The following CCDC13 variants were observed in gnomAD, a reference collection of about 807,000 sequenced individuals.
The protein encoded by CCDC13 is coiled-coil domain containing 13.
A neutral mutation model predicts 87.3 loss-of-function variants in CCDC13; 70 were observed. That is an observed-to-expected ratio of 0.80 (90% CI 0.66 to 0.98). The LOEUF (loss-of-function observed/expected upper bound fraction) is 0.98. Among genes scored for constraint, CCDC13 ranks in the 50% least tolerant of loss-of-function variants. CCDC13 has a pLI of 0.00. For missense variants in CCDC13, 842 were observed against 892.0 expected (o/e 0.94, Z 0.71); for synonymous variants, 317 against 360.3 (o/e 0.88, Z 1.36).
chr3:42,740,556 T>A (rs899571997), intron 8 of CCDC13, among the ~76,000 whole-genome samples: 2 of 152,164 alleles, frequency 1.3e-5, no homozygotes, highest in African/African-American at 4.8e-5. Flanking sequence ...AGGAGACAGA[T>A]AATGTCAAAT....
At chr3:42,744,521 C>G (rs1349144973) in intron 7 of CCDC13, among the ~76,000 whole-genome samples, 1 of 152,098 alleles carries the variant, frequency 6.6e-6, no homozygotes, top group Admixed American at 6.5e-5. Context: ...ATTTGACATA[C>G]AGGGCCGGGC....
chr3:42,721,014 A>G (rs181984843), intron 13 of CCDC13, among the ~76,000 whole-genome samples: 35 of 152,362 alleles, frequency 2.3e-4, no homozygotes, highest in African/African-American at 7.9e-4. Context: ...CATTTGGCTT[A>G]TCGGGTATAA....
intron 5 of CCDC13, among the ~76,000 whole-genome samples, chr3:42,748,501 C>T (rs1028197131): frequency 1.3e-5 from 2 of 152,260 alleles, no homozygotes; most frequent in African/African-American, 4.8e-5. Flanking sequence ...GCTGGTACTA[C>T]AGTGGCTTTC....
rs1314303627 is a variant in CCDC13, at chr3:42,706,761, A to G, written c.*2219T>C. On this transcript the variant is annotated 3_prime_UTR_variant, in exon 16 of 16. Transcript: ENST00000310232. ...ACATGTTCCTTGTACAGAAATAAAC[A>G]GAGAGCTAATAATTAGTGAAACGTC... The G allele has an allele frequency of 6.6e-6, 1 of 152,268 alleles. No homozygotes were observed. The highest frequency in any genetic ancestry group is 1.5e-5 in the Non-Finnish European group (1 of 68,046). The allele number at this position is 152,268 out of a possible 1,614,324, so 9.4% of individuals were successfully genotyped here.
intron 13 of CCDC13, among the ~76,000 whole-genome samples, chr3:42,727,475 C>T (rs181736764): frequency 6.7e-4 from 102 of 152,220 alleles, no homozygotes; most frequent in Non-Finnish European, 9.6e-4. Flanking sequence ...AAGGGCATCT[C>T]AGTAAGAAGG....
chr3:42,771,853 A>G (rs562748434), intron 1 of CCDC13, among the ~76,000 whole-genome samples: 2 of 152,358 alleles, frequency 1.3e-5, no homozygotes, highest in East Asian at 3.9e-4. Flanking sequence ...AATGATAACA[A>G]ATGTACCACA....
At position 42,752,043 on chromosome 3, in the gene CCDC13, GT is replaced by G; in HGVS notation, c.514-19del. 1 of 1,597,386 alleles carries G rather than the reference GT, an allele frequency of 6.3e-7. No homozygotes were observed. On this transcript the variant is annotated intron_variant, in intron 4 of 15. Transcript: ENST00000310232. ...GTCTGCAGCTGAAAAAGCAAACCTC[GT>G]GCTTAATACTCTGCTCAGCGATTGT... is the stretch of plus-strand genomic sequence containing the variant.
chr3:42,713,371 T>C (rs2125869160), intron 13 of CCDC13, 55 bp from the exon 14 acceptor site: 2 of 1,590,656 alleles, frequency 1.3e-6, no homozygotes, highest in South Asian at 2.3e-5. Flanking sequence ...GGGCAGGCCC[T>C]ACCCCACTTG....
At chr3:42,738,798 G>A (rs1699114201) in intron 9 of CCDC13, among the ~76,000 whole-genome samples, 1 of 152,182 alleles carries the variant, frequency 6.6e-6, no homozygotes, top group South Asian at 2.1e-4. Flanking sequence ...ATCAGCTTAA[G>A]GAGATTTTGG....
chr3:42,749,353 G>C (rs1699510363), intron 5 of CCDC13, among the ~76,000 whole-genome samples: 1 of 152,248 alleles, frequency 6.6e-6, no homozygotes, highest in Non-Finnish European at 1.5e-5. Flanking sequence ...TCTGCTCAGA[G>C]CATGGAAAAA....
intron 8 of CCDC13, among the ~76,000 whole-genome samples, chr3:42,740,776 A>C (rs1251967185): frequency 6.6e-6 from 1 of 152,174 alleles, no homozygotes; most frequent in Non-Finnish European, 1.5e-5. Context: ...AGATGGAGAC[A>C]TTGGGGAGGA....
chr3:42,762,462 G>T (rs528113841), intron 1 of CCDC13, among the ~76,000 whole-genome samples: 8 of 152,296 alleles, frequency 5.3e-5, no homozygotes, highest in South Asian at 2.1e-4. Context: ...ATTGCCAGGT[G>T]CAGGGTAGGC....
At chr3:42,720,841 C>G (rs1487864228) in intron 13 of CCDC13, among the ~76,000 whole-genome samples, 1 of 152,136 alleles carries the variant, frequency 6.6e-6, no homozygotes, top group Non-Finnish European at 1.5e-5. Context: ...TTTCTTAGAG[C>G]AAAAACCTGC....
intron 13 of CCDC13, among the ~76,000 whole-genome samples, chr3:42,715,316 A>G (rs1031160158): frequency 4.4e-4 from 67 of 152,046 alleles, no homozygotes; most frequent in Admixed American, 1.3e-3. Flanking sequence ...TCTCAAAAAA[A>G]AAAAAAAAAT....
At chr3:42,717,889 G>A (rs532850093) in intron 13 of CCDC13, 2 of 152,294 alleles carry the variant, frequency 1.3e-5, no homozygotes, top group East Asian at 3.9e-4. Context: ...GACTTGGTTG[G>A]TTGTCAGCTC....
At chr3:42,768,765 G>A (rs1269852034) in intron 1 of CCDC13, among the ~76,000 whole-genome samples, 1 of 152,094 alleles carries the variant, frequency 6.6e-6, no homozygotes, top group Non-Finnish European at 1.5e-5. Flanking sequence ...AAACCTGCCA[G>A]ACACATATTT....
At chr3:42,721,669 T>C (rs116513062) in intron 13 of CCDC13, among the ~76,000 whole-genome samples, 2,583 of 152,378 alleles carry the variant, frequency 0.017, 88 homozygotes, top group African/African-American at 0.058. Context: ...TCTTAACTTA[T>C]GGCAACGTAG....
intron 7 of CCDC13, 148 bp downstream of exon 7, chr3:42,745,775 A>C: frequency 3.7e-6 from 2 of 542,324 alleles, no homozygotes; most frequent in Non-Finnish European, 6.6e-6. Context: ...CGAGAAGGTA[A>C]AACAACAACC....
At chr3:42,710,879 C>T (rs1219008013) in intron 14 of CCDC13, among the ~76,000 whole-genome samples, 3 of 152,128 alleles carry the variant, frequency 2.0e-5, no homozygotes, top group Non-Finnish European at 2.9e-5. Context: ...ACATCCCCAA[C>T]TAGAGCTGCC....
Sources: gnomAD v4.1 joint callset for allele counts (sites outside exome capture counted in the v4.1 genomes callset) on GRCh38, gnomAD v4.1.1 for gene constraint, MANE v1.5 for transcripts, NCBI Gene and HGNC (gene_info 2026-07-23, HGNC 2026-07-21) for gene names.